Variants in RSL24D1 observed in about 807,000 individuals in gnomAD.
RSL24D1 encodes the protein probable ribosome biogenesis protein RLP24.
In RSL24D1, 6 loss-of-function variants were observed where a neutral mutation model predicts 26.2. That is an observed-to-expected ratio of 0.23 (90% CI 0.13 to 0.45). The LOEUF is 0.45. RSL24D1 is among the 20% of genes least tolerant of loss of function. The probability of loss-of-function intolerance (pLI) is 0.99; values close to 1 mark genes in which losing one functional copy is unlikely to be tolerated. For missense variants in RSL24D1, 176 were observed against 202.6 expected (o/e 0.87, Z 0.80); for synonymous variants, 61 against 59.1 (o/e 1.03, Z -0.15).
chr15:55,196,656 T>G, intron 1 of RSL24D1, 154 bp downstream of exon 1: 1 of 670,516 alleles, frequency 1.5e-6, no homozygotes, highest in African/African-American at 1.8e-5. Flanking sequence ...AGCGGAACGT[T>G]GAGAACGGAG....
In RSL24D1 at chr15:55,182,021, CA is replaced by C. The variant is rs564276797; in HGVS notation, c.*130del. The C allele has an allele frequency of 3.1e-4, 186 of 600,666 alleles. 1 individual carries two copies. The African/African-American group carries it at 3.1e-3, about 10-fold the overall frequency. The allele number at this position is 600,666 out of a possible 1,614,324, so 37.2% of individuals were successfully genotyped here. On this transcript the variant is annotated 3_prime_UTR_variant, in exon 6 of 6. Coordinates refer to ENST00000260443, the MANE Select transcript of RSL24D1 (RefSeq NM_016304.3). ...GTAATATCTGATATTATGTAGATGG[CA>C]ATGCAGGAAAGATGTCTTTTAATCG...
At chr15:55,189,238 A>G (rs528147018) in intron 3 of RSL24D1, among the ~76,000 whole-genome samples, 1 of 152,066 alleles carries the variant, frequency 6.6e-6, no homozygotes, top group East Asian at 1.9e-4. Flanking sequence ...CTTTCCAATA[A>G]TGTCCTTGAT....
intron 2 of RSL24D1, 144 bp downstream of exon 2, chr15:55,192,576 A>G: frequency 1.9e-6 from 1 of 534,520 alleles, no homozygotes; most frequent in East Asian, 3.1e-5. Flanking sequence ...TGAGAATGAG[A>G]TTATTTCCAC....
Position 55,192,806 on chromosome 15 carries a change from G to A in RSL24D1, c.109C>T (p.His37Tyr), listed in dbSNP as rs939879035. 4 of 1,613,344 alleles carry A rather than the reference G, an allele frequency of 2.5e-6. No individual in the cohort carries two copies. In the African/African-American group the frequency reaches 5.3e-5, roughly 22 times the overall value. Residue 37 changes from histidine to tyrosine, a missense_variant, in exon 2 of 6, where the codon CAT becomes TAT. Transcript: ENST00000260443. ...TTGCGCTTCTTTTTAAAGTTTTTAT[G>A]ACATTTAGATTTGCAAAATCTGAAC... ...KVFRFCKSKC[H>Y]KNFKKKRNPR... is the part of the protein sequence containing the mutation.
Position 55,181,086 on chromosome 15 carries a change from A to G in RSL24D1, c.*1066T>C, listed in dbSNP as rs1337806783. On this transcript the variant is annotated 3_prime_UTR_variant, in exon 6 of 6. Transcript: ENST00000260443. Reference sequence around the variant, plus strand: ...GTAAGGCTAAGAATTACTGATTTTAAACTCTACCCTAAAAAAACCATTATG... The same window carrying G: ...GTAAGGCTAAGAATTACTGATTTTAGACTCTACCCTAAAAAAACCATTATG... 6.6e-6 allele frequency: 1 copy of G among 152,184 alleles called. No individual in the cohort carries two copies. The highest frequency in any genetic ancestry group is 1.5e-5 in the Non-Finnish European group (1 of 68,026). 9.4% of individuals were successfully genotyped at this position (152,184 alleles called of 1,614,324 possible). A position where few individuals can be genotyped will look rare whatever the true frequency, so the allele number is the denominator to read the frequency against.
At chr15:55,185,497 C>A in intron 3 of RSL24D1, 72 bp from the exon 4 acceptor site, 1 of 997,776 alleles carries the variant, frequency 1.0e-6, no homozygotes, top group Admixed American at 2.4e-5. Flanking sequence ...CATTAACAAA[C>A]ACTTCTTTAT....
intron 1 of RSL24D1, 145 bp from the exon 2 acceptor site, chr15:55,192,978 A>T: frequency 1.8e-6 from 1 of 570,646 alleles, no homozygotes; most frequent in Non-Finnish European, 3.1e-6. Context: ...AAATGGAAAC[A>T]ACTATTTTTT....
intron 1 of RSL24D1, among the ~76,000 whole-genome samples, chr15:55,193,683 T>A (rs1894324041): frequency 6.6e-6 from 1 of 152,186 alleles, no homozygotes; most frequent in Non-Finnish European, 1.5e-5. Context: ...ACTTTTCACC[T>A]TTTATATATG....
intron 2 of RSL24D1, among the ~76,000 whole-genome samples, chr15:55,192,006 G>C (rs1894303072): frequency 6.6e-6 from 1 of 152,182 alleles, no homozygotes; most frequent in Non-Finnish European, 1.5e-5. Flanking sequence ...TCATTGCAAA[G>C]CTCTGGTATT....
chr15:55,192,577 T>C, intron 2 of RSL24D1, 143 bp downstream of exon 2: 2 of 533,990 alleles, frequency 3.7e-6, no homozygotes, highest in Non-Finnish European at 6.7e-6. Context: ...GAGAATGAGA[T>C]TATTTCCACA....
chr15:55,194,364 G>A (rs563041454), intron 1 of RSL24D1: 5 of 152,260 alleles, frequency 3.3e-5, no homozygotes, highest in African/African-American at 1.2e-4. Flanking sequence ...ATCTGACTAG[G>A]ATATAAACAA....
intron 5 of RSL24D1, 152 bp from the exon 6 acceptor site, chr15:55,182,377 G>C: frequency 1.7e-6 from 1 of 591,714 alleles, no homozygotes; most frequent in Non-Finnish European, 3.1e-6. Context: ...TAGGTCTTAT[G>C]ATATGCCATG....
rs1036634221 is a variant in RSL24D1, at chr15:55,181,006, C to T, written c.*1146G>A. On this transcript the variant is annotated 3_prime_UTR_variant, in exon 6 of 6. Coordinates refer to ENST00000260443, the MANE Select transcript of RSL24D1 (RefSeq NM_016304.3). ...CTTGGTCCAGGGACTGGTCTACAGCCTTAGTTTTACTATCTAATACTGAAA... is the reference window on the plus strand; with the variant it reads ...CTTGGTCCAGGGACTGGTCTACAGCTTTAGTTTTACTATCTAATACTGAAA... 1 of 152,046 alleles carries T rather than the reference C, an allele frequency of 6.6e-6. No individual in the cohort carries two copies. Among genetic ancestry groups the T allele is most frequent in the African/African-American group, 2.4e-5 (1 of 41,406 alleles). 9.4% of individuals were successfully genotyped at this position (152,046 alleles called of 1,614,324 possible).
chr15:55,195,500 T>TGGGAGGCCCAG lies in RSL24D1; in HGVS notation c.81+1309_81+1310insCTGGGCCTCCC. The TGGGAGGCCCAG allele has an allele frequency of 1.3e-5, 2 of 152,346 alleles. 1 individual carries two copies. Among genetic ancestry groups the TGGGAGGCCCAG allele is most frequent in the Admixed American group, 1.3e-4 (2 of 15,304 alleles). The allele number at this position is 152,346 out of a possible 1,614,324, so 9.4% of individuals were successfully genotyped here. On this transcript the variant is annotated intron_variant, in intron 1 of 5. Coordinates refer to ENST00000260443, the MANE Select transcript of RSL24D1 (RefSeq NM_016304.3). ...AACACTGTCCTTATTCTTCATCAAC[T>TGGGAGGCCCAG]TAACTTCCACTGTGTCTACCAAATC...
intron 1 of RSL24D1, among the ~76,000 whole-genome samples, chr15:55,195,854 A>C (rs1172500417): frequency 1.3e-5 from 2 of 152,166 alleles, no homozygotes; most frequent in Non-Finnish European, 2.9e-5. Context: ...AAGAAGTCAG[A>C]CTTGTAATTA....
chr15:55,187,664 T>C (rs1038041456), intron 3 of RSL24D1, among the ~76,000 whole-genome samples: 2 of 152,088 alleles, frequency 1.3e-5, no homozygotes, highest in Non-Finnish European at 2.9e-5. Flanking sequence ...TAACACTGTA[T>C]GTTCTCACTT....
In RSL24D1 at chr15:55,196,633, G is replaced by A. The variant is rs1240522471; in HGVS notation, c.81+177C>T. 4.8e-6 allele frequency: 3 copies of A among 628,086 alleles called. No homozygotes were observed. In the African/African-American group the frequency reaches 5.5e-5, roughly 12 times the overall value. The allele number at this position is 628,086 out of a possible 1,614,324, so 38.9% of individuals were successfully genotyped here. The stretch of plus-strand genomic sequence containing the variant: ...CAGCGCCGCTCGGAAGACGGGCAAG[G>A]AGAAACCCCCGAAGCGGAACGTTGA... On this transcript the variant is annotated intron_variant, in intron 1 of 5. Transcript: ENST00000260443.
At position 55,183,303 on chromosome 15, in the gene RSL24D1, T is replaced by C. The variant is rs767648982; in HGVS notation, c.418+12A>G. On this transcript the variant is annotated intron_variant, in intron 5 of 5. Coordinates refer to ENST00000260443, the MANE Select transcript of RSL24D1 (RefSeq NM_016304.3). ...AGACCACAAAAATCTAGATGTGCAATGTAGTACTCACCTGCAAGAGGGGCT... is the reference window on the plus strand; with the variant it reads ...AGACCACAAAAATCTAGATGTGCAACGTAGTACTCACCTGCAAGAGGGGCT... The C allele has an allele frequency of 6.2e-7, 1 of 1,607,210 alleles. No individual in the cohort carries two copies. Among genetic ancestry groups the C allele is most frequent in the Non-Finnish European group, 8.5e-7 (1 of 1,175,968 alleles).
rs373360505 is a variant in RSL24D1, at chr15:55,192,524, T to TA, written c.195+195dup. 722 of 433,564 alleles carry TA rather than the reference T, an allele frequency of 1.7e-3. 8 individuals carry two copies. Among genetic ancestry groups the TA allele is most frequent in the African/African-American group, 0.013 (658 of 49,256 alleles). The allele number at this position is 433,564 out of a possible 1,614,324, so 26.9% of individuals were successfully genotyped here. A position where few individuals can be genotyped will look rare whatever the true frequency, so the allele number is the denominator to read the frequency against. On this transcript the variant is annotated intron_variant, in intron 2 of 5. Transcript: ENST00000260443. ...GATTTTCCTCTTGGTCTGCAAGAGCTAAAAATAGTAGCTCCACAGAATTAC... is the reference window on the plus strand; with the variant it reads ...GATTTTCCTCTTGGTCTGCAAGAGCTAAAAAATAGTAGCTCCACAGAATTAC...
Sources: allele counts gnomAD v4.1 joint callset (sites outside exome capture counted in the v4.1 genomes callset), GRCh38; gene constraint gnomAD v4.1.1; transcripts MANE v1.5; gene names NCBI Gene and HGNC (gene_info 2026-07-23, HGNC 2026-07-21).